RCAN1: variants seen among roughly 807,000 people sequenced by gnomAD.
RCAN1 encodes the protein calcipressin-1.
Under a neutral mutation model 22.9 loss-of-function variants are expected in RCAN1, and 11 were observed. The observed-to-expected ratio is 0.48, with a 90% CI of 0.30 to 0.79. The LOEUF is 0.79. RCAN1 is among the 30% of genes least tolerant of loss of function. The probability of loss-of-function intolerance (pLI) is 0.06; values close to 1 mark genes in which losing one functional copy is unlikely to be tolerated. For missense variants in RCAN1, 291 were observed against 337.8 expected, an observed-to-expected ratio of 0.86 and a Z score of 1.09; for synonymous variants, 136 against 142.3, an observed-to-expected ratio of 0.96 and a Z score of 0.32.
At chr21:34,581,435 G>C (rs1225305114) in intron 1 of RCAN1, among the ~76,000 whole-genome samples, 12 of 152,126 alleles carry the variant, frequency 7.9e-5, no homozygotes, top group African/African-American at 2.4e-4. Flanking sequence ...TGCCCCCAAA[G>C]ACCCTTTCAG....
At chr21:34,540,626 A>G (rs1334972863) in intron 1 of RCAN1, among the ~76,000 whole-genome samples, 1 of 152,200 alleles carries the variant, frequency 6.6e-6, no homozygotes, top group Non-Finnish European at 1.5e-5. Context: ...GAACAAATGC[A>G]TGCAGCCAAG....
chr21:34,528,696 C>T (rs984855850), intron 1 of RCAN1, among the ~76,000 whole-genome samples: 2 of 152,198 alleles, frequency 1.3e-5, no homozygotes, highest in African/African-American at 4.8e-5. Context: ...GATGTTCCCT[C>T]CCCCTCTCCA....
intron 1 of RCAN1, among the ~76,000 whole-genome samples, chr21:34,574,263 C>T (rs1487097701): frequency 6.6e-6 from 1 of 152,220 alleles, no homozygotes; most frequent in African/African-American, 2.4e-5. Context: ...AATGAGCTTT[C>T]CTAGAAGTTC....
chr21:34,516,905 T>G lies in RCAN1; in HGVS notation c.*1179A>C, dbSNP rs556046561. 6.6e-5 allele frequency: 10 copies of G among 152,670 alleles called. No individual in the cohort carries two copies. The highest frequency in any genetic ancestry group is 1.2e-4 in the Non-Finnish European group (8 of 68,034). 9.5% of individuals were successfully genotyped at this position (152,670 alleles called of 1,614,324 possible). A position where few individuals can be genotyped will look rare whatever the true frequency, so the allele number is the denominator to read the frequency against. On this transcript the variant is annotated 3_prime_UTR_variant, in exon 4 of 4. Transcript: ENST00000313806. ...GTATAACAATTCCATCAGGAATGAA[T>G]GGGGAAAGGCACTGCATCCCTCTCA...
chr21:34,607,783 A>G (rs994243340), intron 1 of RCAN1, among the ~76,000 whole-genome samples: 1 of 152,250 alleles, frequency 6.6e-6, no homozygotes, highest in Non-Finnish European at 1.5e-5. Context: ...AGCCTATAGC[A>G]GGGATCGCCA....
chr21:34,540,120 C>T (rs1056356708), intron 1 of RCAN1, among the ~76,000 whole-genome samples: 7 of 152,212 alleles, frequency 4.6e-5, no homozygotes, highest in Non-Finnish European at 8.8e-5. Context: ...AATCTCCTTT[C>T]TAACAAGACT....
intron 1 of RCAN1, among the ~76,000 whole-genome samples, chr21:34,567,645 T>A (rs1984307): frequency 1 from 152,241 of 152,242 alleles, 76,120 homozygotes; most frequent in Non-Finnish European, 1. Flanking sequence ...AAAAAAAATA[T>A]TTCACCACTC....
intron 1 of RCAN1, among the ~76,000 whole-genome samples, chr21:34,611,139 CT>C (rs1362557839): frequency 6.6e-6 from 1 of 152,152 alleles, no homozygotes; most frequent in African/African-American, 2.4e-5. Flanking sequence ...TGAATAAACT[CT>C]TATTCCAGGG....
At chr21:34,582,621 G>C (rs1324810068) in intron 1 of RCAN1, among the ~76,000 whole-genome samples, 1 of 152,154 alleles carries the variant, frequency 6.6e-6, no homozygotes, top group South Asian at 2.1e-4. Context: ...GGAGAGGGCA[G>C]AGCGGGCCAC....
chr21:34,610,998 A>G (rs1988672858), intron 1 of RCAN1, among the ~76,000 whole-genome samples: 1 of 152,200 alleles, frequency 6.6e-6, no homozygotes, highest in African/African-American at 2.4e-5. Flanking sequence ...TGAATCAAAT[A>G]TACATTCATA....
chr21:34,588,681 G>A (rs377251600), intron 1 of RCAN1, among the ~76,000 whole-genome samples: 19 of 152,326 alleles, frequency 1.2e-4, no homozygotes, highest in East Asian at 3.9e-4. Context: ...CCACCTCTGT[G>A]TATGTATCTA....
chr21:34,540,900 G>T (rs935969483), intron 1 of RCAN1, among the ~76,000 whole-genome samples: 1 of 152,078 alleles, frequency 6.6e-6, no homozygotes, highest in Non-Finnish European at 1.5e-5. Flanking sequence ...TAGAAGAACC[G>T]CTTGAACCTG....
chr21:34,516,712 C>A lies in RCAN1; in HGVS notation c.*1372G>T, dbSNP rs887231283. 4.6e-5 allele frequency: 7 copies of A among 152,210 alleles called. No individual in the cohort carries two copies. Among genetic ancestry groups the A allele is most frequent in the Admixed American group, 1.3e-4 (2 of 15,278 alleles). 9.4% of individuals were successfully genotyped at this position (152,210 alleles called of 1,614,324 possible). A position where few individuals can be genotyped will look rare whatever the true frequency, so the allele number is the denominator to read the frequency against. ...AAAGCATTTAATGCAAACATATTTGCTTCTCAAAGAATAAAACCATCTTCC... is the reference window on the plus strand; with the variant it reads ...AAAGCATTTAATGCAAACATATTTGATTCTCAAAGAATAAAACCATCTTCC... On this transcript the variant is annotated 3_prime_UTR_variant, in exon 4 of 4. Transcript: ENST00000313806.
chr21:34,544,939 T>A (rs776197145), intron 1 of RCAN1, among the ~76,000 whole-genome samples: 1 of 152,180 alleles, frequency 6.6e-6, no homozygotes, highest in African/African-American at 2.4e-5. Context: ...AGATCTATCC[T>A]TGAAGGCCAG....
intron 1 of RCAN1, among the ~76,000 whole-genome samples, chr21:34,526,464 T>C (rs1374484784): frequency 1.3e-5 from 2 of 152,172 alleles, no homozygotes; most frequent in African/African-American, 4.8e-5. Flanking sequence ...TTGTCAAATA[T>C]TGAGATCTTT....
At chr21:34,519,673 A>C (rs1040423655) in intron 3 of RCAN1, among the ~76,000 whole-genome samples, 3 of 152,068 alleles carry the variant, frequency 2.0e-5, no homozygotes, top group Admixed American at 1.3e-4. Context: ...CTGGGATTAC[A>C]GGCATGAGCC....
chr21:34,554,935 A>G (rs1018288477), intron 1 of RCAN1, among the ~76,000 whole-genome samples: 3 of 152,262 alleles, frequency 2.0e-5, no homozygotes, highest in Non-Finnish European at 2.9e-5. Flanking sequence ...TCATGAGAAC[A>G]GCATGGGAAA....
intron 1 of RCAN1, among the ~76,000 whole-genome samples, chr21:34,535,709 AAC>A (rs1985636199): frequency 6.6e-6 from 1 of 152,186 alleles, no homozygotes; most frequent in African/African-American, 2.4e-5. Context: ...TTTCTGGGAT[AAC>A]ACAGAACTTT....
At chr21:34,576,767 C>T (rs866905781) in intron 1 of RCAN1, among the ~76,000 whole-genome samples, 8 of 152,282 alleles carry the variant, frequency 5.3e-5, no homozygotes, top group Middle Eastern at 3.4e-3. Context: ...AATATTATAA[C>T]ACAAACAAGC....
Sources: allele counts gnomAD v4.1 joint callset (sites outside exome capture counted in the v4.1 genomes callset), GRCh38; gene constraint gnomAD v4.1.1; transcripts MANE v1.5; gene names NCBI Gene and HGNC (gene_info 2026-07-23, HGNC 2026-07-21).